ANAPC15: variants seen among roughly 807,000 people sequenced by gnomAD.
The protein encoded by ANAPC15 is anaphase-promoting complex subunit 15.
In ANAPC15, 13 loss-of-function variants were observed where a neutral mutation model predicts 19.8. The observed-to-expected ratio is 0.66, with a 90% CI of 0.43 to 1.04. The LOEUF is 1.04. Among genes scored for constraint, ANAPC15 ranks in the 50% least tolerant of loss-of-function variants. The probability of loss-of-function intolerance (pLI) is 0.00; values close to 1 mark genes in which losing one functional copy is unlikely to be tolerated. For synonymous variants in ANAPC15, 45 were observed against 50.7 expected (o/e 0.89, Z 0.47); for missense variants, 88 against 150.3 (o/e 0.59, Z 2.17).
downstream of ANAPC15, chr11:72,108,052 A>G (rs1292805274): frequency 1.3e-6 from 2 of 1,550,314 alleles, no homozygotes; most frequent in African/African-American, 1.4e-5. Context: ...CTTACTGTGG[A>G]GCGGGACCCA....
downstream of ANAPC15, chr11:72,108,510 C>T: frequency 8.7e-7 from 1 of 1,143,734 alleles, no homozygotes; most frequent in Middle Eastern, 2.0e-4. Context: ...GAAGCTAAGC[C>T]AGGACCTGGC....
intron 3 of ANAPC15, chr11:72,110,835 G>C: frequency 1.7e-6 from 1 of 585,646 alleles, no homozygotes; most frequent in South Asian, 2.2e-5. Flanking sequence ...AGGATGAAGT[G>C]AGAGACTTAT....
downstream of ANAPC15, chr11:72,107,456 C>CCAGG (rs749511629): frequency 1.0e-5 from 7 of 702,722 alleles, no homozygotes; most frequent in South Asian, 1.0e-4. Flanking sequence ...TCTGAGTTGG[C>CCAGG]CAGGCAGATG....
rs549594401 is a variant in ANAPC15 at position 72,112,561 on chromosome 11, G to C, written c.-96+89C>G. On this transcript the variant is annotated intron_variant, in intron 1 of 5. Coordinates refer to ENST00000227618, the MANE Select transcript of ANAPC15 (RefSeq NM_014042.3). The stretch of plus-strand genomic sequence containing the variant: ...TAAGGACTCTCAATATGGAGCTCCT[G>C]GGGAGTCGGGTCAAAGGAAATGGGT... 3.8e-5 allele frequency: 16 copies of C among 421,646 alleles called. No individual in the cohort carries two copies. The East Asian group carries it at 1.1e-3, about 30-fold the overall frequency. 26.1% of individuals were successfully genotyped at this position (421,646 alleles called of 1,614,324 possible).
chr11:72,107,900 G>A, downstream of ANAPC15: 1 of 1,551,476 alleles, frequency 6.4e-7, no homozygotes, highest in Non-Finnish European at 8.7e-7. Flanking sequence ...CATGTCTTCT[G>A]CAACAGCCAT....
At chr11:72,107,900 G>T, downstream of ANAPC15, 3 of 1,551,476 alleles carry the variant, frequency 1.9e-6, no homozygotes, top group Non-Finnish European at 2.6e-6. Context: ...CATGTCTTCT[G>T]CAACAGCCAT....
At position 72,109,818 on chromosome 11, in the gene ANAPC15, G is replaced by T; in HGVS notation, c.*63C>A. Reference sequence around the variant, plus strand: ...CTGGTTCTGTGGGCAGGGGTTGGGGGTTGGGATGCAGGGTAGTTTGGGCTG... The same window carrying T: ...CTGGTTCTGTGGGCAGGGGTTGGGGTTTGGGATGCAGGGTAGTTTGGGCTG... On this transcript the variant is annotated 3_prime_UTR_variant, in exon 6 of 6. Transcript: ENST00000227618. 6.2e-7 allele frequency: 1 copy of T among 1,600,392 alleles called. No individual in the cohort carries two copies. The highest frequency in any genetic ancestry group is 8.6e-7 in the Non-Finnish European group (1 of 1,169,254).
At position 72,109,879 on chromosome 11, in the gene ANAPC15, A is replaced by T. The variant is rs1446715498; in HGVS notation, c.*2T>A. 1.2e-6 allele frequency: 2 copies of T among 1,613,392 alleles called. No individual in the cohort carries two copies. Among genetic ancestry groups the T allele is most frequent in the Non-Finnish European group, 1.7e-6 (2 of 1,179,978 alleles). ...TCCCTGAGGCCACCCTGCCTTGTCT[A>T]CCTAGATCATCCACTGGTCCTGATC... On this transcript the variant is annotated 3_prime_UTR_variant, in exon 6 of 6. Transcript: ENST00000227618.
At chr11:72,110,736 T>A in intron 3 of ANAPC15, 133 bp from the exon 4 acceptor site, 3 of 855,942 alleles carry the variant, frequency 3.5e-6, no homozygotes, top group Non-Finnish European at 5.4e-6. Flanking sequence ...CTCAGGGAGA[T>A]ACAATCCCTT....
At chr11:72,107,441 G>A, downstream of ANAPC15, 1 of 702,840 alleles carries the variant, frequency 1.4e-6, no homozygotes. Flanking sequence ...ACTGAATCTG[G>A]AAGTTCTGAG....
At chr11:72,109,544 G>A, downstream of ANAPC15, 1 of 431,158 alleles carries the variant, frequency 2.3e-6, no homozygotes. Context: ...AGAAGATGCT[G>A]GACTCCTCTG....
At chr11:72,111,001 G>C (rs1374933359) in intron 3 of ANAPC15, among the ~76,000 whole-genome samples, 156 bp downstream of exon 3, 1 of 152,212 alleles carries the variant, frequency 6.6e-6, no homozygotes, top group Non-Finnish European at 1.5e-5. Context: ...ACCACAAGAT[G>C]AGAACCTTGG....
downstream of ANAPC15, chr11:72,108,718 G>A (rs1945997303): frequency 6.5e-7 from 1 of 1,549,890 alleles, no homozygotes; most frequent in South Asian, 1.2e-5. Flanking sequence ...GTTACCTGAG[G>A]GACCTGCAGC....
chr11:72,108,455 A>C, downstream of ANAPC15: 1 of 654,594 alleles, frequency 1.5e-6, no homozygotes, highest in Non-Finnish European at 2.4e-6. Context: ...ACTGATCCTG[A>C]CTTCTTAGGT....
chr11:72,111,126 G>T, intron 3 of ANAPC15, 31 bp downstream of exon 3: 1 of 1,434,162 alleles, frequency 7.0e-7, no homozygotes, highest in South Asian at 1.1e-5. Flanking sequence ...TCTGTGCTGA[G>T]GTCTCTGTGC....
At chr11:72,107,218 G>T (rs183575914), downstream of ANAPC15, 1,549 of 560,100 alleles carry the variant, frequency 2.8e-3, 5 homozygotes, top group Non-Finnish European at 3.9e-3. Flanking sequence ...AGTGAGCCGT[G>T]ATCATGCTAC....
chr11:72,110,343 C>T, intron 4 of ANAPC15, 118 bp from the exon 5 acceptor site: 1 of 1,574,784 alleles, frequency 6.4e-7, no homozygotes, highest in South Asian at 1.1e-5. Flanking sequence ...ACACTCCCTC[C>T]TTGAGTCTAG....
In ANAPC15 at chr11:72,111,441, C is replaced by G; in HGVS notation, c.-40G>C. The G allele has an allele frequency of 1.7e-6, 1 of 605,476 alleles. No homozygotes were observed. The highest frequency in any genetic ancestry group is 1.9e-5 in the African/African-American group (1 of 53,654). 37.5% of individuals were successfully genotyped at this position (605,476 alleles called of 1,614,324 possible). A position where few individuals can be genotyped will look rare whatever the true frequency, so the allele number is the denominator to read the frequency against. On this transcript the variant is annotated 5_prime_UTR_variant, in exon 2 of 6. Transcript: ENST00000227618. ...CTTTGAGTCCTGGCTCCACCACTTA[C>G]TAGCTGTTTGACCTTGGCTGAGTCA... is the stretch of plus-strand genomic sequence containing the variant.
downstream of ANAPC15, chr11:72,108,575 C>A: frequency 7.0e-7 from 1 of 1,436,984 alleles, no homozygotes; most frequent in South Asian, 1.5e-5. Flanking sequence ...TTCCCCCCAC[C>A]CTCACCTCCA....
Sources: gnomAD v4.1 joint callset for allele counts (sites outside exome capture counted in the v4.1 genomes callset) on GRCh38, gnomAD v4.1.1 for gene constraint, MANE v1.5 for transcripts, NCBI Gene and HGNC (gene_info 2026-07-23, HGNC 2026-07-21) for gene names.